SGMS1: variants seen among roughly 807,000 people sequenced by gnomAD.
SGMS1 encodes sphingomyelin synthase 1, also known as phosphatidylcholine:ceramide cholinephosphotransferase 1.
A neutral mutation model predicts 46.2 loss-of-function variants in SGMS1; 13 were observed. The ratio of observed to expected loss-of-function variants is 0.28; its 90% CI spans 0.18 to 0.45. The LOEUF is 0.45. SGMS1 is among the 20% of genes least tolerant of loss of function. The pLI is 1.00. For missense variants in SGMS1, 324 were observed against 519.9 expected (o/e 0.62, Z 3.66); for synonymous variants, 203 against 187.8 (o/e 1.08, Z -0.66).
At chr10:50,312,397 C>T (rs1052158358) in intron 8 of SGMS1, among the ~76,000 whole-genome samples, 6 of 147,382 alleles carry the variant, frequency 4.1e-5, no homozygotes, top group African/African-American at 1.5e-4. Context: ...TATAAATTTC[C>T]AAATCCAAAG....
chr10:50,379,948 C>T (rs1024579756), intron 6 of SGMS1, among the ~76,000 whole-genome samples: 1 of 152,138 alleles, frequency 6.6e-6, no homozygotes. Context: ...GAGTAAGTGA[C>T]AAAATTACCA....
chr10:50,546,519 A>G (rs1838102237), intron 2 of SGMS1, among the ~76,000 whole-genome samples: 1 of 152,248 alleles, frequency 6.6e-6, no homozygotes, highest in Non-Finnish European at 1.5e-5. Context: ...TGGCACATAT[A>G]CACCATGGAA....
chr10:50,565,245 C>G (rs1838277594), intron 2 of SGMS1, among the ~76,000 whole-genome samples: 1 of 152,024 alleles, frequency 6.6e-6, no homozygotes, highest in African/African-American at 2.4e-5. Flanking sequence ...TGTCTTATAC[C>G]TAGCAGACAC....
At chr10:50,553,818 G>A (rs372862726) in intron 2 of SGMS1, among the ~76,000 whole-genome samples, 2 of 152,086 alleles carry the variant, frequency 1.3e-5, no homozygotes, top group Non-Finnish European at 1.5e-5. Context: ...TGCCAACAAA[G>A]GCCCATTTGC....
At chr10:50,563,630 C>A (rs1360540548) in intron 2 of SGMS1, among the ~76,000 whole-genome samples, 1 of 147,018 alleles carries the variant, frequency 6.8e-6, no homozygotes, top group African/African-American at 2.5e-5. Context: ...GTAGTCCCAG[C>A]TACTTGGGAG....
intron 6 of SGMS1, among the ~76,000 whole-genome samples, chr10:50,376,112 T>C (rs996101891): frequency 6.6e-6 from 1 of 152,226 alleles, no homozygotes; most frequent in African/African-American, 2.4e-5. Context: ...AAAACAAATT[T>C]GTTTTTAAGA....
At chr10:50,348,836 C>A (rs1201602641) in intron 6 of SGMS1, among the ~76,000 whole-genome samples, 1 of 152,138 alleles carries the variant, frequency 6.6e-6, no homozygotes, top group Non-Finnish European at 1.5e-5. Context: ...CATATGGAAC[C>A]AAAGAAGAGC....
intron 3 of SGMS1, among the ~76,000 whole-genome samples, chr10:50,515,816 C>T (rs1177986804): frequency 6.6e-6 from 1 of 152,108 alleles, no homozygotes; most frequent in Non-Finnish European, 1.5e-5. Flanking sequence ...AAGTTACTAC[C>T]CATTAGAATT....
intron 1 of SGMS1, among the ~76,000 whole-genome samples, chr10:50,591,666 C>T (rs1479638270): frequency 2.6e-5 from 4 of 152,192 alleles, no homozygotes; most frequent in African/African-American, 9.6e-5. Context: ...CACACTGCAT[C>T]GCTGGCGATT....
chr10:50,536,069 C>T (rs1443121095), intron 2 of SGMS1, among the ~76,000 whole-genome samples: 1 of 152,152 alleles, frequency 6.6e-6, no homozygotes, highest in Non-Finnish European at 1.5e-5. Context: ...GCACAGTGCT[C>T]ATGCCTGTAA....
At chr10:50,411,013 G>T (rs1849089791) in intron 6 of SGMS1, among the ~76,000 whole-genome samples, 1 of 152,162 alleles carries the variant, frequency 6.6e-6, no homozygotes, top group Admixed American at 6.5e-5. Flanking sequence ...TTCTTTTGGA[G>T]TCAGGTCTTT....
At chr10:50,439,327 G>A (rs974023208) in intron 5 of SGMS1, among the ~76,000 whole-genome samples, 3 of 152,050 alleles carry the variant, frequency 2.0e-5, no homozygotes, top group Non-Finnish European at 4.4e-5. Context: ...ATCTCAGCAG[G>A]CCATCTTTCC....
chr10:50,615,783 C>T (rs560548620), intron 1 of SGMS1, among the ~76,000 whole-genome samples: 13 of 152,300 alleles, frequency 8.5e-5, no homozygotes, highest in African/African-American at 2.9e-4. Context: ...TAGTTCCACC[C>T]AAGCCAAATC....
chr10:50,593,105 G>A (rs1474756244), intron 1 of SGMS1, among the ~76,000 whole-genome samples: 2 of 152,172 alleles, frequency 1.3e-5, no homozygotes, highest in Non-Finnish European at 2.9e-5. Context: ...ATGAGGACAC[G>A]CTCAAGAAGC....
intron 2 of SGMS1, among the ~76,000 whole-genome samples, chr10:50,527,504 G>A (rs1232200920): frequency 6.6e-6 from 1 of 152,170 alleles, no homozygotes; most frequent in Non-Finnish European, 1.5e-5. Flanking sequence ...AATTGGCAGA[G>A]CTGAGATTCA....
At chr10:50,408,293 T>C (rs903335031) in intron 6 of SGMS1, among the ~76,000 whole-genome samples, 13 of 151,928 alleles carry the variant, frequency 8.6e-5, no homozygotes, top group African/African-American at 3.1e-4. Flanking sequence ...TTTTATTCAT[T>C]CTAGTCACAG....
At chr10:50,558,045 T>C (rs1341264856) in intron 2 of SGMS1, among the ~76,000 whole-genome samples, 1 of 152,212 alleles carries the variant, frequency 6.6e-6, no homozygotes, top group East Asian at 1.9e-4. Flanking sequence ...TTATTATAAT[T>C]ACCTTCTCTC....
intron 6 of SGMS1, among the ~76,000 whole-genome samples, chr10:50,403,421 T>C (rs539945473): frequency 6.6e-6 from 1 of 152,306 alleles, no homozygotes; most frequent in East Asian, 1.9e-4. Flanking sequence ...GGGGTACATT[T>C]GTCAGGCATG....
chr10:50,496,389 A>C (rs1228269759), intron 3 of SGMS1, among the ~76,000 whole-genome samples: 1 of 152,218 alleles, frequency 6.6e-6, no homozygotes, highest in African/African-American at 2.4e-5. Flanking sequence ...GAACCTATTC[A>C]CATCAGTGAA....
Sources: gnomAD v4.1 joint callset for allele counts (sites outside exome capture counted in the v4.1 genomes callset) on GRCh38, gnomAD v4.1.1 for gene constraint, MANE v1.5 for transcripts, NCBI Gene and HGNC (gene_info 2026-07-23, HGNC 2026-07-21) for gene names.